The following CTNNAL1 variants were observed in gnomAD, a reference collection of about 807,000 sequenced individuals.
CTNNAL1 encodes the protein alpha-catulin.
A neutral mutation model predicts 93.6 loss-of-function variants in CTNNAL1; 69 were observed. The ratio of observed to expected loss-of-function variants is 0.74; its 90% CI spans 0.61 to 0.90. The LOEUF (loss-of-function observed/expected upper bound fraction) is 0.90. CTNNAL1 is among the 40% of genes least tolerant of loss of function. The pLI, the probability that CTNNAL1 is intolerant of heterozygous loss-of-function variation, is 0.00. For synonymous variants in CTNNAL1, 286 were observed against 305.4 expected (o/e 0.94, Z 0.66); for missense variants, 836 against 862.0 (o/e 0.97, Z 0.38).
At chr9:108,984,501 G>GT (rs1831540475) in intron 4 of CTNNAL1, 65 bp from the exon 5 acceptor site, 2 of 669,156 alleles carry the variant, frequency 3.0e-6, no homozygotes, top group Admixed American at 2.3e-5. Flanking sequence ...TCTTAAAAAA[G>GT]TATTTATTCA....
intron 1 of CTNNAL1, among the ~76,000 whole-genome samples, chr9:109,002,414 G>T (rs961514848): frequency 2.0e-5 from 3 of 152,152 alleles, no homozygotes; most frequent in African/African-American, 7.2e-5. Context: ...CATAGCAGAA[G>T]CGACGGGTAA....
At chr9:108,972,864 G>GGGGGGGGTCCCCCC in intron 8 of CTNNAL1, 31 bp from the exon 9 acceptor site, 1 of 142,590 alleles carries the variant, frequency 7.0e-6, no homozygotes, top group Non-Finnish European at 1.0e-5. Flanking sequence ...GGGGGGGTGG[G>GGGGGGGGTCCCCCC]AGGGTGGAGA....
intron 11 of CTNNAL1, among the ~76,000 whole-genome samples, chr9:108,964,108 C>A (rs1484202248): frequency 1.3e-5 from 2 of 152,136 alleles, no homozygotes; most frequent in Non-Finnish European, 2.9e-5. Flanking sequence ...CTTTTAATAT[C>A]CAAAATTTGG....
chr9:108,972,337 G>C (rs1831136548), intron 9 of CTNNAL1, among the ~76,000 whole-genome samples: 1 of 152,072 alleles, frequency 6.6e-6, no homozygotes, highest in African/African-American at 2.4e-5. Flanking sequence ...CCTAATTTGA[G>C]TGTGTCATCT....
At chr9:108,965,330 A>T in intron 11 of CTNNAL1, 48 bp downstream of exon 11, 1 of 1,313,266 alleles carries the variant, frequency 7.6e-7, no homozygotes, top group Non-Finnish European at 9.9e-7. Context: ...AACTAACAAG[A>T]GTTACATTAA....
chr9:108,978,671 T>A (rs1373012427), intron 7 of CTNNAL1, among the ~76,000 whole-genome samples: 1 of 152,218 alleles, frequency 6.6e-6, no homozygotes, highest in Non-Finnish European at 1.5e-5. Context: ...CTTGCCCAAA[T>A]AAGCTCCTCT....
intron 14 of CTNNAL1, among the ~76,000 whole-genome samples, chr9:108,951,932 A>G (rs1230302999): frequency 6.6e-6 from 1 of 152,350 alleles, no homozygotes; most frequent in African/African-American, 2.4e-5. Flanking sequence ...GGCATTAACA[A>G]TGCAGGATAA....
intron 9 of CTNNAL1, 149 bp downstream of exon 9, chr9:108,972,526 G>T: frequency 1.4e-6 from 1 of 694,582 alleles, no homozygotes; most frequent in Non-Finnish European, 2.4e-6. Flanking sequence ...TGCAGGAACA[G>T]AACAGATACA....
At chr9:108,946,351 C>G (rs1293311282) in intron 15 of CTNNAL1, among the ~76,000 whole-genome samples, 1 of 151,002 alleles carries the variant, frequency 6.6e-6, no homozygotes, top group Non-Finnish European at 1.5e-5. Flanking sequence ...TCATATTTTA[C>G]CCCTTTCCTT....
rs1250324752 is a variant in CTNNAL1 at position 108,942,696 on chromosome 9, T to TA, written c.*72dup. 2.0e-6 allele frequency: 2 copies of TA among 1,019,034 alleles called. No homozygotes were observed. The highest frequency in any genetic ancestry group is 3.2e-5 in the African/African-American group (2 of 61,742). 63.1% of individuals were successfully genotyped at this position (1,019,034 alleles called of 1,614,324 possible). On this transcript the variant is annotated 3_prime_UTR_variant, in exon 19 of 19. Coordinates refer to ENST00000325551, the MANE Select transcript of CTNNAL1 (RefSeq NM_003798.4). ...TAAAATTGATGAATTTCTGAAAAGA[T>TA]AAAGGATCATTTGATTTTTAAAAAT...
rs765123806 is a variant in CTNNAL1, at chr9:108,965,507, A to G, written c.1462T>C (p.Leu488=). ...ATTTTACTAGATGGATGCAATGTCAATGTTTCAGCAGCAGAAATTATCTAA... is the reference window on the plus strand; with the variant it reads ...ATTTTACTAGATGGATGCAATGTCAGTGTTTCAGCAGCAGAAATTATCTAA... ...GQQIISAAET[L]TLHPSSKIAK... The change falls in exon 11 of 19, where the codon TTG becomes CTG. Residue 488 remains leucine, a synonymous_variant. Transcript: ENST00000325551. The G allele has an allele frequency of 1.9e-5, 30 of 1,570,602 alleles. No individual in the cohort carries two copies. The South Asian group carries it at 3.1e-4, about 16-fold the overall frequency.
intron 8 of CTNNAL1, 35 bp from the exon 9 acceptor site, chr9:108,972,868 G>GGGGCCCCCCGGGT: frequency 9.2e-7 from 1 of 1,092,788 alleles, no homozygotes; most frequent in Non-Finnish European, 1.2e-6. Flanking sequence ...GGGTGGGAGG[G>GGGGCCCCCCGGGT]TGGAGAAGGA....
Position 108,948,192 on chromosome 9 carries a change from T to C in CTNNAL1, c.1878A>G (p.Gln626=), listed in dbSNP as rs1830460747. 3.1e-6 allele frequency: 5 copies of C among 1,612,210 alleles called. No individual in the cohort carries two copies. The East Asian group carries it at 6.7e-5, about 22-fold the overall frequency. ...AAACGGAAACAAGGCATACCTCTAG[T>C]TGATGAATTAAATCCTGGGAAGTTT... ...PLKTSQDLIH[Q]LEVFAAEGLK... The change falls in exon 15 of 19, where the codon CAA becomes CAG. Residue 626 remains glutamine (Q), a synonymous_variant. Transcript: ENST00000325551.
chr9:108,982,212 T>G (rs376282527), intron 6 of CTNNAL1, among the ~76,000 whole-genome samples: 2 of 152,184 alleles, frequency 1.3e-5, no homozygotes, highest in East Asian at 3.8e-4. Flanking sequence ...CCAACTCTGG[T>G]ACTTAGTAGC....
chr9:108,986,485 C>T (rs1238536940), intron 4 of CTNNAL1, among the ~76,000 whole-genome samples: 1 of 151,974 alleles, frequency 6.6e-6, no homozygotes, highest in Admixed American at 6.6e-5. Flanking sequence ...CCACAATAAA[C>T]ATACGTGTGC....
intron 4 of CTNNAL1, among the ~76,000 whole-genome samples, chr9:108,986,573 T>C (rs1407117260): frequency 1.3e-5 from 2 of 151,930 alleles, no homozygotes; most frequent in East Asian, 3.9e-4. Flanking sequence ...AAATGGTATT[T>C]CTAGTTCTAG....
chr9:108,956,955 G>T (rs1441991545), intron 11 of CTNNAL1, among the ~76,000 whole-genome samples: 1 of 151,452 alleles, frequency 6.6e-6, no homozygotes, highest in African/African-American at 2.4e-5. Flanking sequence ...TTTTGAAGAT[G>T]TAGTACAAAG....
At chr9:108,948,157 T>A (rs1830458983) in intron 15 of CTNNAL1, 29 bp downstream of exon 15, 8 of 1,606,886 alleles carry the variant, frequency 5.0e-6, no homozygotes, top group Non-Finnish European at 6.8e-6. Context: ...GAAATTAAAG[T>A]ACTAGCATAA....
chr9:108,984,368 C>T lies in CTNNAL1; in HGVS notation c.708G>A (p.Met236Ile). Residue 236 changes from methionine to isoleucine, a missense_variant, in exon 5 of 19, where the codon ATG becomes ATA. Met to Ile is a conservative substitution (Grantham distance 10). Coordinates refer to ENST00000325551, the MANE Select transcript of CTNNAL1 (RefSeq NM_003798.4). ...TTACCTTTGAAGCTGTGAGAAGCATCATTGTACACTTTTCAAGAACTGCCC... is the reference window on the plus strand; with the variant it reads ...TTACCTTTGAAGCTGTGAGAAGCATTATTGTACACTTTTCAAGAACTGCCC... ...AARAVLEKCT[M>I]MLLTASKTCL... The T allele has an allele frequency of 6.2e-7, 1 of 1,609,352 alleles. No individual in the cohort carries two copies. The highest frequency in any genetic ancestry group is 8.5e-7 in the Non-Finnish European group (1 of 1,176,336).
Sources: gnomAD v4.1 joint callset for allele counts (sites outside exome capture counted in the v4.1 genomes callset) on GRCh38, gnomAD v4.1.1 for gene constraint, MANE v1.5 for transcripts, NCBI Gene and HGNC (gene_info 2026-07-23, HGNC 2026-07-21) for gene names.